Variants in GALNTL6 observed in about 807,000 individuals in gnomAD.
GALNTL6 encodes the protein polypeptide N-acetylgalactosaminyltransferase like 6, also known as polypeptide N-acetylgalactosaminyltransferase-like 6.
GALNTL6 carries 46 observed loss-of-function variants against 73.7 expected under a neutral mutation model. The observed-to-expected ratio is 0.62, with a 90% CI of 0.49 to 0.80. The LOEUF (loss-of-function observed/expected upper bound fraction) is 0.80, where lower values mean the gene tolerates loss of function less well. Among genes scored for constraint, GALNTL6 ranks in the 30% least tolerant of loss-of-function variants. The probability of loss-of-function intolerance (pLI) is 0.00; values close to 1 mark genes in which losing one functional copy is unlikely to be tolerated. For synonymous variants in GALNTL6, 259 were observed against 263.7 expected (o/e 0.98, Z 0.17); for missense variants, 604 against 755.0 (o/e 0.80, Z 2.34).
intron 8 of GALNTL6, among the ~76,000 whole-genome samples, chr4:172,919,566 T>A (rs966461601): frequency 2.6e-5 from 4 of 152,212 alleles, no homozygotes; most frequent in African/African-American, 9.6e-5. Flanking sequence ...TATTTGAATA[T>A]TTTTGTAAAA....
intron 2 of GALNTL6, among the ~76,000 whole-genome samples, chr4:171,883,948 T>G (rs139571195): frequency 6.6e-6 from 1 of 152,040 alleles, no homozygotes; most frequent in Non-Finnish European, 1.5e-5. Flanking sequence ...CTCCCAGACA[T>G]ATATGTGCTT....
chr4:172,301,347 T>C (rs1578929845), intron 3 of GALNTL6, among the ~76,000 whole-genome samples: 1 of 152,324 alleles, frequency 6.6e-6, no homozygotes, highest in East Asian at 1.9e-4. Context: ...TTTGATCGTC[T>C]GAAGCCTTCT....
chr4:172,970,047 G>A (rs918654605), intron 10 of GALNTL6, among the ~76,000 whole-genome samples: 8 of 152,082 alleles, frequency 5.3e-5, no homozygotes, highest in Admixed American at 3.3e-4. Flanking sequence ...TTTTTATTAG[G>A]GATTTCAAAA....
intron 4 of GALNTL6, among the ~76,000 whole-genome samples, chr4:172,332,122 T>G (rs1020273812): frequency 2.0e-5 from 3 of 152,118 alleles, no homozygotes; most frequent in Non-Finnish European, 2.9e-5. Flanking sequence ...TAATTAGAGG[T>G]GTTGAGCAAT....
At chr4:172,311,577 A>T in intron 3 of GALNTL6, 37 bp from the exon 4 acceptor site, 1 of 1,567,356 alleles carries the variant, frequency 6.4e-7, no homozygotes, top group Non-Finnish European at 8.7e-7. Flanking sequence ...AATGGCTTTT[A>T]TAGAGATGAT....
At chr4:172,715,946 T>A (rs569720908) in intron 5 of GALNTL6, among the ~76,000 whole-genome samples, 84 of 152,278 alleles carry the variant, frequency 5.5e-4, no homozygotes, top group African/African-American at 1.9e-3. Context: ...TCTCAAATAA[T>A]CCTGGTATTT....
intron 3 of GALNTL6, among the ~76,000 whole-genome samples, chr4:172,230,547 C>G (rs1382878428): frequency 7.7e-6 from 1 of 129,762 alleles, no homozygotes; most frequent in East Asian, 2.0e-4. Flanking sequence ...CACCACTGCA[C>G]TCCAGCCGGG....
At chr4:171,872,684 T>G (rs1416761147) in intron 2 of GALNTL6, among the ~76,000 whole-genome samples, 2 of 152,192 alleles carry the variant, frequency 1.3e-5, no homozygotes, top group African/African-American at 2.4e-5. Flanking sequence ...TATTTGCATA[T>G]TGTTCTCCAT....
At chr4:171,947,696 C>A (rs941250432) in intron 2 of GALNTL6, among the ~76,000 whole-genome samples, 1 of 152,076 alleles carries the variant, frequency 6.6e-6, no homozygotes, top group Admixed American at 6.5e-5. Flanking sequence ...CTCCTCTGGT[C>A]CACATGACCC....
chr4:172,598,261 T>G (rs981250283), intron 5 of GALNTL6, among the ~76,000 whole-genome samples: 1 of 152,192 alleles, frequency 6.6e-6, no homozygotes, highest in Admixed American at 6.5e-5. Context: ...GGCAGTGATT[T>G]TTTTTCTTGG....
intron 5 of GALNTL6, chr4:172,667,803 A>G (rs555835952): frequency 2.2e-4 from 33 of 152,230 alleles, no homozygotes; most frequent in African/African-American, 7.9e-4. Context: ...TTTTGAAGTA[A>G]TTTTCCAAGT....
rs1158692108 is a variant in GALNTL6 at position 172,937,336 on chromosome 4, C to T, written c.1149+6068C>T. Among the ~76,000 whole-genome samples, 3 of 151,902 alleles carry T rather than the reference C, an allele frequency of 2.0e-5. No individual in the cohort carries two copies. In the South Asian group the frequency reaches 6.2e-4, roughly 32 times the overall value. ...TTTTATTGATTTGCTACACTGTGCACGGAGGTGGGGCTCACATGTGACTAT... is the reference window on the plus strand; with the variant it reads ...TTTTATTGATTTGCTACACTGTGCATGGAGGTGGGGCTCACATGTGACTAT... On this transcript the variant is annotated intron_variant, in intron 9 of 12. Transcript: ENST00000506823.
rs556129853 is a variant in GALNTL6, at chr4:171,825,410, C to T, written c.138+10692C>T. Among the ~76,000 whole-genome samples, 24 of 152,096 alleles carry T rather than the reference C, an allele frequency of 1.6e-4. No homozygotes were observed. In the South Asian group the frequency reaches 4.8e-3, roughly 30 times the overall value. ...AATAAAAATGCTTCTGTTCCCTAGCCGAGTGAATTTTACCATTTTTCAGAT... is the reference window on the plus strand; with the variant it reads ...AATAAAAATGCTTCTGTTCCCTAGCTGAGTGAATTTTACCATTTTTCAGAT... On this transcript the variant is annotated intron_variant, in intron 2 of 12. Transcript: ENST00000506823.
chr4:172,143,613 TAATA>T (rs1180761754), intron 2 of GALNTL6, among the ~76,000 whole-genome samples: 1 of 152,152 alleles, frequency 6.6e-6, no homozygotes, highest in Non-Finnish European at 1.5e-5. Context: ...ACATCTAAAG[TAATA>T]AATATTGTTA....
At chr4:171,852,847 T>TTTTTTG (rs1338480613) in intron 2 of GALNTL6, among the ~76,000 whole-genome samples, 1 of 150,464 alleles carries the variant, frequency 6.6e-6, no homozygotes, top group Non-Finnish European at 1.5e-5. Context: ...GATGTAGGAG[T>TTTTTTG]TTTTTGTTTT....
At chr4:172,016,273 T>A (rs544332252) in intron 2 of GALNTL6, among the ~76,000 whole-genome samples, 1 of 152,218 alleles carries the variant, frequency 6.6e-6, no homozygotes, top group South Asian at 2.1e-4. Flanking sequence ...AATTCTTTTC[T>A]CTTTATCTTT....
chr4:172,959,940 A>G (rs976952721), intron 10 of GALNTL6, among the ~76,000 whole-genome samples: 40 of 152,100 alleles, frequency 2.6e-4, no homozygotes, highest in African/African-American at 9.4e-4. Flanking sequence ...CTCACAGTGG[A>G]GGGAAGGAAT....
chr4:172,096,064 ATT>A (rs984101022), intron 2 of GALNTL6, among the ~76,000 whole-genome samples: 1 of 125,184 alleles, frequency 8.0e-6, no homozygotes, highest in African/African-American at 3.0e-5. Flanking sequence ...CATATTTTCG[ATT>A]TCTCTCTCTC....
At chr4:172,429,924 C>T (rs2111379754) in intron 5 of GALNTL6, among the ~76,000 whole-genome samples, 1 of 152,204 alleles carries the variant, frequency 6.6e-6, no homozygotes, top group East Asian at 1.9e-4. Flanking sequence ...TTGCTTATCT[C>T]AGAAATTCAT....
Sources: gnomAD v4.1 joint callset for allele counts (sites outside exome capture counted in the v4.1 genomes callset) on GRCh38, gnomAD v4.1.1 for gene constraint, MANE v1.5 for transcripts, NCBI Gene and HGNC (gene_info 2026-07-23, HGNC 2026-07-21) for gene names.